The following NCOA2 variants were observed in gnomAD, a reference collection of about 807,000 sequenced individuals.
NCOA2 encodes the protein class E basic helix-loop-helix protein 75.
NCOA2 carries 21 observed loss-of-function variants against 145.1 expected under a neutral mutation model. The observed-to-expected ratio is 0.14, with a 90% CI of 0.10 to 0.21. The LOEUF is 0.21. Ranked by LOEUF, NCOA2 falls within the 10% of genes least tolerant of loss-of-function variation. The probability of loss-of-function intolerance (pLI) is 1.00; values close to 1 mark genes in which losing one functional copy is unlikely to be tolerated. For missense variants in NCOA2, 1,472 were observed against 1,837.6 expected (o/e 0.80, Z 3.64); for synonymous variants, 619 against 637.5 (o/e 0.97, Z 0.44).
At chr8:70,387,233 A>G (rs548131125) in intron 1 of NCOA2, among the ~76,000 whole-genome samples, 16 of 152,318 alleles carry the variant, frequency 1.1e-4, no homozygotes, top group African/African-American at 3.6e-4. Context: ...GGCTATTCAT[A>G]TAACACACTG....
intron 14 of NCOA2, among the ~76,000 whole-genome samples, chr8:70,139,678 A>C (rs917395960): frequency 4.2e-5 from 4 of 94,260 alleles, no homozygotes; most frequent in Admixed American, 1.6e-4. Context: ...TTTGAGGAGG[A>C]GTCTCACTCT....
chr8:70,189,115 T>C (rs539497168), intron 4 of NCOA2, among the ~76,000 whole-genome samples: 66 of 152,324 alleles, frequency 4.3e-4, no homozygotes, highest in African/African-American at 1.5e-3. Flanking sequence ...TATTTCTTTT[T>C]CCTCCGGACA....
chr8:70,453,368 C>G, the NCOA2 span, among the ~76,000 whole-genome samples: 1 of 152,198 alleles, frequency 6.6e-6, no homozygotes. Flanking sequence ...GAAATTACCA[C>G]GGACAGGAGT....
chr8:70,236,516 G>C (rs889738226), intron 2 of NCOA2, among the ~76,000 whole-genome samples: 2 of 151,830 alleles, frequency 1.3e-5, no homozygotes, highest in African/African-American at 4.8e-5. Flanking sequence ...GTCCTTTTGG[G>C]TAACTCCCAC....
chr8:70,285,309 TA>T (rs1826160644), intron 2 of NCOA2, among the ~76,000 whole-genome samples: 1 of 152,248 alleles, frequency 6.6e-6, no homozygotes, highest in African/African-American at 2.4e-5. Context: ...ATAAATTTAC[TA>T]TGTAGTTAGA....
chr8:70,280,147 C>A (rs1825764942), intron 2 of NCOA2, among the ~76,000 whole-genome samples: 2 of 152,178 alleles, frequency 1.3e-5, no homozygotes, highest in South Asian at 4.1e-4. Flanking sequence ...AAAGCTCAGA[C>A]AAAGCATATG....
the NCOA2 span, among the ~76,000 whole-genome samples, chr8:70,417,526 G>A: frequency 6.6e-6 from 1 of 151,980 alleles, no homozygotes; most frequent in Non-Finnish European, 1.5e-5. Flanking sequence ...TCCAGCCTGG[G>A]CAACAAGAGT....
intron 2 of NCOA2, among the ~76,000 whole-genome samples, chr8:70,262,700 G>A (rs184936081): frequency 2.2e-4 from 34 of 152,326 alleles, no homozygotes; most frequent in Non-Finnish European, 3.2e-4. Context: ...AATGTGGGAG[G>A]AGGCAAGAAG....
chr8:70,433,212 A>C, the NCOA2 span, among the ~76,000 whole-genome samples: 1 of 152,232 alleles, frequency 6.6e-6, no homozygotes, highest in Non-Finnish European at 1.5e-5. Context: ...AAGAACATGC[A>C]AGTCTGTAGA....
chr8:70,198,141 T>C (rs954950343), intron 4 of NCOA2, among the ~76,000 whole-genome samples: 1 of 152,154 alleles, frequency 6.6e-6, no homozygotes, highest in African/African-American at 2.4e-5. Context: ...GTATCTCTTA[T>C]GTACAAGACA....
intron 2 of NCOA2, among the ~76,000 whole-genome samples, chr8:70,279,362 C>T (rs1586349613): frequency 6.6e-6 from 1 of 152,144 alleles, no homozygotes; most frequent in Non-Finnish European, 1.5e-5. Flanking sequence ...GGATCTAGTA[C>T]AATCAATGGC....
At position 70,349,839 on chromosome 8, in the gene NCOA2, A is replaced by T. The variant is rs969780127; in HGVS notation, c.-76-53039T>A. ...CATCTTATGGTACTAATTTCCACTA[A>T]CTTACTCTCTAATATTATATAGATA... On this transcript the variant is annotated intron_variant, in intron 1 of 22. Coordinates refer to ENST00000452400, the MANE Select transcript of NCOA2 (RefSeq NM_006540.4). Among the ~76,000 whole-genome samples the T allele has an allele frequency of 7.9e-5, 12 of 152,054 alleles. No homozygotes were observed. The East Asian group carries it at 2.3e-3, about 29-fold the overall frequency.
intron 1 of NCOA2, among the ~76,000 whole-genome samples, chr8:70,331,285 A>T (rs932428663): frequency 1.3e-5 from 2 of 152,144 alleles, no homozygotes; most frequent in African/African-American, 4.8e-5. Context: ...AAAACAACAC[A>T]ATAGAGTATA....
chr8:70,119,242 A>G (rs571968079), intron 22 of NCOA2, among the ~76,000 whole-genome samples: 45 of 151,904 alleles, frequency 3.0e-4, no homozygotes, highest in African/African-American at 1.0e-3. Flanking sequence ...TCTGTTATCT[A>G]TTTTTCCACT....
At chr8:70,339,436 GACAA>G (rs1025290642) in intron 1 of NCOA2, among the ~76,000 whole-genome samples, 2 of 151,954 alleles carry the variant, frequency 1.3e-5, no homozygotes, top group Admixed American at 6.6e-5. Flanking sequence ...TCACAGAGGA[GACAA>G]ACAAATGGAA....
the NCOA2 span, among the ~76,000 whole-genome samples, chr8:70,435,001 C>T: frequency 6.6e-6 from 1 of 152,142 alleles, no homozygotes; most frequent in Admixed American, 6.5e-5. Flanking sequence ...TCTCTCCTTC[C>T]CCATGAGATT....
intron 1 of NCOA2, among the ~76,000 whole-genome samples, chr8:70,364,046 T>C (rs1368289836): frequency 6.8e-6 from 1 of 146,578 alleles, no homozygotes; most frequent in African/African-American, 2.5e-5. Flanking sequence ...ACTCAAAGAA[T>C]GGAAAAAAAA....
chr8:70,331,102 T>TA (rs202235296), intron 1 of NCOA2, among the ~76,000 whole-genome samples: 74 of 151,052 alleles, frequency 4.9e-4, no homozygotes, highest in Middle Eastern at 3.4e-3. Flanking sequence ...AGCTTTTAAT[T>TA]AAAAAAAAAG....
chr8:70,437,530 A>G, the NCOA2 span, among the ~76,000 whole-genome samples: 2 of 152,246 alleles, frequency 1.3e-5, no homozygotes, highest in Non-Finnish European at 2.9e-5. Context: ...ATAATCTTCA[A>G]GTTTATGTTC....
Sources: allele counts gnomAD v4.1 joint callset (sites outside exome capture counted in the v4.1 genomes callset), GRCh38; gene constraint gnomAD v4.1.1; transcripts MANE v1.5; gene names NCBI Gene and HGNC (gene_info 2026-07-23, HGNC 2026-07-21).